Variants in TRAF3 observed in about 807,000 individuals in gnomAD.
The protein encoded by TRAF3 is TNF receptor associated factor 3.
TRAF3 carries 13 observed loss-of-function variants against 62.3 expected under a neutral mutation model. That is an observed-to-expected ratio of 0.21 (90% CI 0.14 to 0.33). The LOEUF is 0.33. Ranked by LOEUF, TRAF3 falls within the 10% of genes least tolerant of loss-of-function variation. The probability of loss-of-function intolerance (pLI) is 1.00; values close to 1 mark genes in which losing one functional copy is unlikely to be tolerated. For synonymous variants in TRAF3, 269 were observed against 283.4 expected (o/e 0.95, Z 0.51); for missense variants, 440 against 741.8 (o/e 0.59, Z 4.73).
At chr14:102,884,831 G>A (rs1889280556) in intron 6 of TRAF3, among the ~76,000 whole-genome samples, 1 of 151,556 alleles carries the variant, frequency 6.6e-6, no homozygotes. Context: ...AAAAGAAAAA[G>A]CACATATATA....
intron 1 of TRAF3, among the ~76,000 whole-genome samples, chr14:102,780,495 G>GT (rs1198795751): frequency 1.3e-5 from 2 of 151,482 alleles, no homozygotes; most frequent in African/African-American, 2.4e-5. Context: ...AGAAGGCAGA[G>GT]TTTTTTACTA....
chr14:102,852,629 T>C (rs1470505622), intron 2 of TRAF3, among the ~76,000 whole-genome samples: 1 of 152,220 alleles, frequency 6.6e-6, no homozygotes, highest in South Asian at 2.1e-4. Flanking sequence ...TGAAATTCTT[T>C]GGATCTACAT....
At chr14:102,789,571 A>C (rs1165082112) in intron 1 of TRAF3, among the ~76,000 whole-genome samples, 1 of 151,620 alleles carries the variant, frequency 6.6e-6, no homozygotes, top group Non-Finnish European at 1.5e-5. Flanking sequence ...ACCCAATCAC[A>C]CTTATGAACT....
chr14:102,900,851 G>A (rs1374205338), intron 10 of TRAF3, among the ~76,000 whole-genome samples: 1 of 152,238 alleles, frequency 6.6e-6, no homozygotes, highest in Non-Finnish European at 1.5e-5. Flanking sequence ...AGTGCAGTCT[G>A]TCTCTTCAGC....
intron 2 of TRAF3, among the ~76,000 whole-genome samples, chr14:102,839,814 C>T (rs1886267187): frequency 6.6e-6 from 1 of 152,164 alleles, no homozygotes; most frequent in Admixed American, 6.5e-5. Context: ...CTAATGATTG[C>T]CTCTGATGGG....
intron 2 of TRAF3, among the ~76,000 whole-genome samples, chr14:102,845,532 T>TC (rs201724667): frequency 2.7e-5 from 4 of 150,192 alleles, no homozygotes; most frequent in East Asian, 4.0e-4. Flanking sequence ...TTTTTTTTTT[T>TC]CAAGACGGAG....
intron 2 of TRAF3, among the ~76,000 whole-genome samples, chr14:102,836,324 G>C (rs535704376): frequency 3.9e-5 from 6 of 152,262 alleles, no homozygotes; most frequent in Admixed American, 2.0e-4. Flanking sequence ...ATAATTTTCT[G>C]GCAGAAAATT....
rs1269362418 is a variant in TRAF3 at position 102,906,610 on chromosome 14, A to G, written c.*826A>G. On this transcript the variant is annotated 3_prime_UTR_variant, in exon 12 of 12. Coordinates refer to ENST00000392745, the MANE Select transcript of TRAF3 (RefSeq NM_145725.3). Reference sequence around the variant, plus strand: ...CACAATTCTGAACGGAGCCTCGCTCATGGATGCTGTGCATCATTTTCAGAT... The same window carrying G: ...CACAATTCTGAACGGAGCCTCGCTCGTGGATGCTGTGCATCATTTTCAGAT... The G allele has an allele frequency of 1.3e-5, 2 of 152,288 alleles. No individual in the cohort carries two copies. Among genetic ancestry groups the G allele is most frequent in the South Asian group, 2.1e-4 (1 of 4,838 alleles). The allele number at this position is 152,288 out of a possible 1,614,324, so 9.4% of individuals were successfully genotyped here.
chr14:102,900,179 GGAAAAAA>G lies in TRAF3; in HGVS notation c.960+2779_960+2785del, dbSNP rs1332095796. Among the ~76,000 whole-genome samples the G allele has an allele frequency of 4.8e-5, 4 of 83,746 alleles. 1 individual carries two copies. The highest frequency in any genetic ancestry group is 2.1e-4 in the African/African-American group (4 of 19,248). 54.9% of individuals were successfully genotyped at this position (83,746 alleles called of 152,430 possible). On this transcript the variant is annotated intron_variant, in intron 10 of 11. Coordinates refer to ENST00000392745, the MANE Select transcript of TRAF3 (RefSeq NM_145725.3). Reference sequence around the variant, plus strand: ...GGGAGAAAGAGCAAGACTCCGTCTCGGAAAAAAAAAAAAAAAAAAAAAAAGACAGCCT... The same window carrying G: ...GGGAGAAAGAGCAAGACTCCGTCTCGAAAAAAAAAAAAAAAAAGACAGCCT...
At chr14:102,827,140 C>G (rs1566759366) in intron 1 of TRAF3, among the ~76,000 whole-genome samples, 1 of 152,228 alleles carries the variant, frequency 6.6e-6, no homozygotes, top group Non-Finnish European at 1.5e-5. Context: ...GAGTCCACGT[C>G]CTTCAGCCCC....
chr14:102,779,140 C>T (rs529323438), intron 1 of TRAF3, among the ~76,000 whole-genome samples: 1 of 152,266 alleles, frequency 6.6e-6, no homozygotes, highest in African/African-American at 2.4e-5. Flanking sequence ...ATTCCAGCAT[C>T]GCTGGTGAAA....
chr14:102,851,743 C>T (rs529529888), intron 2 of TRAF3, among the ~76,000 whole-genome samples: 1 of 148,256 alleles, frequency 6.7e-6, no homozygotes, highest in African/African-American at 2.5e-5. Flanking sequence ...GACTCTGCCT[C>T]AAAAAAAAAG....
chr14:102,902,236 G>T (rs920124367), intron 10 of TRAF3, among the ~76,000 whole-genome samples: 2 of 152,240 alleles, frequency 1.3e-5, no homozygotes, highest in African/African-American at 4.8e-5. Context: ...CCCTCGCTGG[G>T]GCCTGGCAGC....
chr14:102,790,112 G>A (rs1897716600), intron 1 of TRAF3, among the ~76,000 whole-genome samples: 1 of 152,160 alleles, frequency 6.6e-6, no homozygotes, highest in East Asian at 1.9e-4. Context: ...ATAGGTGTGA[G>A]CCACTGCACT....
chr14:102,801,511 G>A (rs540930491), intron 1 of TRAF3, among the ~76,000 whole-genome samples: 3 of 152,112 alleles, frequency 2.0e-5, no homozygotes, highest in African/African-American at 7.2e-5. Context: ...TTGGCAGTTA[G>A]CAGGCACCCA....
At chr14:102,892,002 C>A (rs942467524) in intron 9 of TRAF3, among the ~76,000 whole-genome samples, 1 of 151,558 alleles carries the variant, frequency 6.6e-6, no homozygotes, top group African/African-American at 2.4e-5. Context: ...GGTGCGCTCT[C>A]CACATAGACA....
At chr14:102,858,532 T>C (rs1019160936) in intron 2 of TRAF3, among the ~76,000 whole-genome samples, 1 of 147,756 alleles carries the variant, frequency 6.8e-6, no homozygotes, top group African/African-American at 2.6e-5. Context: ...AGTCCTATAA[T>C]AGCTGACTAT....
In TRAF3 at chr14:102,909,841, C is replaced by T. The variant is rs1890771813; in HGVS notation, c.*4057C>T. 1 of 152,276 alleles carries T rather than the reference C, an allele frequency of 6.6e-6. No homozygotes were observed. 9.4% of individuals were successfully genotyped at this position (152,276 alleles called of 1,614,324 possible). ...CATGCCAACGTCACATTCCAGCACC[C>T]CTTTTGCTTGATGGCGTCTGGTGGT... is the stretch of plus-strand genomic sequence containing the variant. On this transcript the variant is annotated 3_prime_UTR_variant, in exon 12 of 12. Coordinates refer to ENST00000392745, the MANE Select transcript of TRAF3 (RefSeq NM_145725.3).
chr14:102,795,555 TACAC>T (rs1017589365), intron 1 of TRAF3, among the ~76,000 whole-genome samples: 1 of 147,806 alleles, frequency 6.8e-6, no homozygotes, highest in Admixed American at 6.9e-5. Flanking sequence ...GTTATATATA[TACAC>T]ACACATATAT....
Sources: gnomAD v4.1 joint callset for allele counts (sites outside exome capture counted in the v4.1 genomes callset) on GRCh38, gnomAD v4.1.1 for gene constraint, MANE v1.5 for transcripts, NCBI Gene and HGNC (gene_info 2026-07-23, HGNC 2026-07-21) for gene names.